Variants in NLRX1 observed in about 807,000 individuals in gnomAD.
NLRX1 encodes NLR family member X1.
Under a neutral mutation model 74.2 loss-of-function variants are expected in NLRX1, and 67 were observed. The ratio of observed to expected loss-of-function variants is 0.90; its 90% confidence interval spans 0.74 to 1.11. NLRX1 has a LOEUF of 1.11. NLRX1 is among the 50% of genes least tolerant of loss of function. NLRX1 has a pLI of 0.00. For missense variants in NLRX1, 1,191 were observed against 1,305.4 expected (o/e 0.91, Z 1.35); for synonymous variants, 506 against 559.1 (o/e 0.91, Z 1.34).
Position 119,183,533 on chromosome 11 carries a change from T to G in NLRX1, c.*94T>G, listed in dbSNP as rs1242151046. 8.0e-7 allele frequency: 1 copy of G among 1,249,982 alleles called. No homozygotes were observed. Among genetic ancestry groups the G allele is most frequent in the Non-Finnish European group, 1.1e-6 (1 of 890,886 alleles). The allele number at this position is 1,249,982 out of a possible 1,614,324, so 77.4% of individuals were successfully genotyped here. On this transcript the variant is annotated 3_prime_UTR_variant, in exon 10 of 10. Coordinates refer to ENST00000409109, the MANE Select transcript of NLRX1 (RefSeq NM_001282144.2). The surrounding 1 kb of genome is among the most constrained non-coding windows in gnomAD (Gnocchi z 5.7). The stretch of plus-strand genomic sequence containing the variant: ...CTTGCACTGCTCCCTCTAGAAAGAT[T>G]CCTTCAGGTCTGGAGGCAGAGGAAT...
At position 119,183,464 on chromosome 11, in the gene NLRX1, A is replaced by C; in HGVS notation, c.*25A>C. 6.3e-7 allele frequency: 1 copy of C among 1,595,642 alleles called. No homozygotes were observed. Among genetic ancestry groups the C allele is most frequent in the Non-Finnish European group, 8.5e-7 (1 of 1,173,344 alleles). Reference sequence around the variant, plus strand: ...AGACACTGGCGGCAGGCACCTAGCTATGTGACCACTGGCCCTAAACCTTTT... The same window carrying C: ...AGACACTGGCGGCAGGCACCTAGCTCTGTGACCACTGGCCCTAAACCTTTT... On this transcript the variant is annotated 3_prime_UTR_variant, in exon 10 of 10. Coordinates refer to ENST00000409109, the MANE Select transcript of NLRX1 (RefSeq NM_001282144.2). The surrounding 1 kb of genome is among the most constrained non-coding windows in gnomAD (Gnocchi z 5.7).
chr11:119,173,394 C>T lies in NLRX1; in HGVS notation c.230-85C>T. 7.0e-7 allele frequency: 1 copy of T among 1,433,610 alleles called. No individual in the cohort carries two copies. The highest frequency in any genetic ancestry group is 9.5e-7 in the Non-Finnish European group (1 of 1,050,936). 88.8% of individuals were successfully genotyped at this position (1,433,610 alleles called of 1,614,324 possible). A position where few individuals can be genotyped will look rare whatever the true frequency, so the allele number is the denominator to read the frequency against. On this transcript the variant is annotated intron_variant, in intron 4 of 9. Transcript: ENST00000409109. The surrounding 1 kb of genome is among the most constrained non-coding windows in gnomAD (Gnocchi z 4.0). Reference sequence around the variant, plus strand: ...CAGCATCTATGCCGTGATGTCCCAGCCTGACCTCACCACCGCCCTGATTGG... The same window carrying T: ...CAGCATCTATGCCGTGATGTCCCAGTCTGACCTCACCACCGCCCTGATTGG...
Position 119,173,288 on chromosome 11 carries a change from A to C in NLRX1, c.230-191A>C, listed in dbSNP as rs778123384. ...AAACCAGTTTGTCCAGTGGCTTCCCACTTTCTGACATAGGGGTTCCAGACT... is the reference window on the plus strand; with the variant it reads ...AAACCAGTTTGTCCAGTGGCTTCCCCCTTTCTGACATAGGGGTTCCAGACT... On this transcript the variant is annotated intron_variant, in intron 4 of 9. Coordinates refer to ENST00000409109, the MANE Select transcript of NLRX1 (RefSeq NM_001282144.2). This position sits in a 1 kb window ranked among gnomAD's most constrained non-coding sequence, Gnocchi z 4.0. The C allele has an allele frequency of 2.8e-6, 2 of 717,106 alleles. No individual in the cohort carries two copies. 44.4% of individuals were successfully genotyped at this position (717,106 alleles called of 1,614,324 possible).
At position 119,180,236 on chromosome 11, in the gene NLRX1, C is replaced by A. The variant is rs45562142; in HGVS notation, c.2215C>A (p.Pro739Thr). ...GAACTTGGCCTCCTGCCAGCTAGAT[C>A]CTGCTGGGCTGCGCACACTCCTGCC... ...EVNLASCQLD[P>T]AGLRTLLPVF... is the part of the protein sequence containing the mutation. Residue 739 changes from proline to threonine, a missense_variant, in exon 7 of 10, where the codon CCT (proline) becomes ACT (threonine). Coordinates refer to ENST00000409109, the MANE Select transcript of NLRX1 (RefSeq NM_001282144.2). 1 of 1,609,166 alleles carries A rather than the reference C, an allele frequency of 6.2e-7. No individual in the cohort carries two copies. Among genetic ancestry groups the A allele is most frequent in the South Asian group, 1.1e-5 (1 of 90,758 alleles).
At position 119,174,669 on chromosome 11, in the gene NLRX1, C is replaced by T. The variant is rs142087333; in HGVS notation, c.1066C>T (p.Arg356Trp). 4.3e-4 allele frequency: 699 copies of T among 1,613,984 alleles called. No individual in the cohort carries two copies. Among genetic ancestry groups the T allele is most frequent in the Middle Eastern group, 9.9e-4 (6 of 6,062 alleles). The change falls in exon 6 of 10, where the codon CGG becomes TGG. Residue 356 changes from arginine to tryptophan, a missense_variant. By Grantham distance (101) the Arg-to-Trp change is moderately radical. Transcript: ENST00000409109. ...QRDHLVQMLS[R>W]NLEGHHQIAA... Reference sequence around the variant, plus strand: ...TGACCACCTGGTGCAGATGCTCTCCCGGAACCTGGAGGGGCACCACCAGAT... The same window carrying T: ...TGACCACCTGGTGCAGATGCTCTCCTGGAACCTGGAGGGGCACCACCAGAT...
chr11:119,179,907 G>T lies in NLRX1; in HGVS notation c.1886G>T (p.Gly629Val). Reference sequence around the variant, plus strand: ...GAGCTCTTCCCCATGTTCATGGGGGGGCTTCTCTCTGCCCACAACCGAGCT... The same window carrying T: ...GAGCTCTTCCCCATGTTCATGGGGGTGCTTCTCTCTGCCCACAACCGAGCT... ...VFELFPMFMGGLLSAHNRAVL... is the reference protein window; with the variant it reads ...VFELFPMFMGVLLSAHNRAVL... Residue 629 changes from glycine (G) to valine (V), a missense_variant, in exon 7 of 10, where the codon GGG (glycine) becomes GTG (valine). Gly to Val is a moderately radical substitution (Grantham distance 109, BLOSUM62 -3). Transcript: ENST00000409109. 2 of 1,611,784 alleles carry T rather than the reference G, an allele frequency of 1.2e-6. No individual in the cohort carries two copies. Among genetic ancestry groups the T allele is most frequent in the Non-Finnish European group, 1.7e-6 (2 of 1,178,328 alleles).
At position 119,183,738 on chromosome 11, in the gene NLRX1, A is replaced by C. The variant is rs759702812; in HGVS notation, c.*299A>C. 2.4e-5 allele frequency: 19 copies of C among 777,438 alleles called. No individual in the cohort carries two copies. The highest frequency in any genetic ancestry group is 1.5e-4 in the African/African-American group (9 of 59,116). The allele number at this position is 777,438 out of a possible 1,614,324, so 48.2% of individuals were successfully genotyped here. A position where few individuals can be genotyped will look rare whatever the true frequency, so the allele number is the denominator to read the frequency against. On this transcript the variant is annotated 3_prime_UTR_variant, in exon 10 of 10. Coordinates refer to ENST00000409109, the MANE Select transcript of NLRX1 (RefSeq NM_001282144.2). This position sits in a 1 kb window ranked among gnomAD's most constrained non-coding sequence, Gnocchi z 5.7. ...GATGGCCAGAGTGCCCTGAAGCACCACTACCAACCTTGCCTCCCCCTCCTC... is the reference window on the plus strand; with the variant it reads ...GATGGCCAGAGTGCCCTGAAGCACCCCTACCAACCTTGCCTCCCCCTCCTC...
At position 119,173,465 on chromosome 11, in the gene NLRX1, A is replaced by G; in HGVS notation, c.230-14A>G. On this transcript the variant is annotated splice_polypyrimidine_tract_variant and intron_variant, in intron 4 of 9. Transcript: ENST00000409109. This position sits in a 1 kb window ranked among gnomAD's most constrained non-coding sequence, Gnocchi z 4.0. ...CCCCTTTCCCTGACACATTTCCCTT[A>G]TCTTCCCACTCAGAAGCTATACAGC... is the stretch of plus-strand genomic sequence containing the variant. 1 of 1,607,658 alleles carries G rather than the reference A, an allele frequency of 6.2e-7. No homozygotes were observed. Among genetic ancestry groups the G allele is most frequent in the Non-Finnish European group, 8.5e-7 (1 of 1,177,186 alleles).
Position 119,173,388 on chromosome 11 carries a change from T to G in NLRX1, c.230-91T>G, listed in dbSNP as rs199476040. The G allele has an allele frequency of 7.2e-7, 1 of 1,390,774 alleles. No individual in the cohort carries two copies. The allele number at this position is 1,390,774 out of a possible 1,614,324, so 86.2% of individuals were successfully genotyped here. On this transcript the variant is annotated intron_variant, in intron 4 of 9. Coordinates refer to ENST00000409109, the MANE Select transcript of NLRX1 (RefSeq NM_001282144.2). The surrounding 1 kb of genome is among the most constrained non-coding windows in gnomAD (Gnocchi z 4.0). The stretch of plus-strand genomic sequence containing the variant: ...GGGCCCCAGCATCTATGCCGTGATG[T>G]CCCAGCCTGACCTCACCACCGCCCT...
chr11:119,175,080 A>G lies in NLRX1; in HGVS notation c.1477A>G (p.Thr493Ala), dbSNP rs1948669797. Residue 493 changes from threonine (T) to alanine (A), a missense_variant, in exon 6 of 10, where the codon ACC becomes GCC. Transcript: ENST00000409109. ...EPGRAGTFVF[T>A]VPAMQEYLAA... ...AGGGCGTGCAGGCACCTTCGTGTTC[A>G]CCGTGCCCGCCATGCAGGAATACCT... 1 of 1,614,072 alleles carries G rather than the reference A, an allele frequency of 6.2e-7. No individual in the cohort carries two copies. The highest frequency in any genetic ancestry group is 2.2e-5 in the East Asian group (1 of 44,876).
In NLRX1 at chr11:119,173,610, G is replaced by C. The variant is rs751633357; in HGVS notation, c.361G>C (p.Asp121His). ...CCCTGTGATCCGCGAGAGTACCCCT[G>C]ATGAGCTACTTCGCCCACCCGCGGA... Reference protein sequence around the residue: ...VDPVIRESTPDELLRPPAELA... With the variant: ...VDPVIRESTPHELLRPPAELA... Residue 121 changes from aspartate (D) to histidine (H), a missense_variant, in exon 5 of 10, where the codon GAT (aspartate) becomes CAT (histidine). Physicochemically the swap from Asp to His is moderately conservative, Grantham distance 81. Transcript: ENST00000409109. This position sits in a 1 kb window ranked among gnomAD's most constrained non-coding sequence, Gnocchi z 4.0. The C allele has an allele frequency of 4.3e-6, 7 of 1,614,148 alleles. 1 individual carries two copies. Among genetic ancestry groups the C allele is most frequent in the South Asian group, 3.3e-5 (3 of 91,082 alleles).
chr11:119,169,774 G>A (rs1948495829), intron 1 of NLRX1, among the ~76,000 whole-genome samples: 1 of 152,132 alleles, frequency 6.6e-6, no homozygotes, highest in South Asian at 2.1e-4. Context: ...CGGATCACTT[G>A]AGCCCAGGAG....
At chr11:119,171,497 G>A in intron 2 of NLRX1, 24 bp downstream of exon 2, 2 of 1,565,988 alleles carry the variant, frequency 1.3e-6, no homozygotes, top group Non-Finnish European at 1.8e-6. Context: ...AGGGGTTTCT[G>A]TTTTTACCTC....
rs777257587 is a variant in NLRX1 at position 119,174,728 on chromosome 11, G to A, written c.1125G>A (p.Trp375Ter). 7.4e-6 allele frequency: 12 copies of A among 1,613,880 alleles called. No homozygotes were observed. The South Asian group carries it at 1.2e-4, about 16-fold the overall frequency. ...AAACFLPSYC[W>*]LVCATLHFLH... The stretch of plus-strand genomic sequence containing the variant: ...CCTGCTTCCTGCCGTCCTATTGCTG[G>A]CTCGTTTGTGCCACCTTGCACTTCC... The change falls in exon 6 of 10, where the codon TGG becomes TGA. Residue 375 changes from tryptophan (W) to a stop codon, truncating the protein, a stop_gained. Coordinates refer to ENST00000409109, the MANE Select transcript of NLRX1 (RefSeq NM_001282144.2). LOFTEE classifies it high-confidence loss of function.
At chr11:119,178,584 C>T (rs557739358) in intron 6 of NLRX1, among the ~76,000 whole-genome samples, 4 of 151,832 alleles carry the variant, frequency 2.6e-5, no homozygotes, top group Non-Finnish European at 2.9e-5. Flanking sequence ...AACTGGTCTG[C>T]GGGGTCAGGA....
In NLRX1 at chr11:119,174,764, C is replaced by T; in HGVS notation, c.1161C>T (p.Pro387=). ...CCACCTTGCACTTCCTGCATGCCCC[C>T]ACGCCTGCTGGGCAGACCCTTACAA... ...VCATLHFLHA[P]TPAGQTLTSI... is the part of the protein sequence containing the mutation. The change falls in exon 6 of 10, where the codon CCC becomes CCT. Residue 387 remains proline (P), a synonymous_variant. Transcript: ENST00000409109. 3 of 1,613,862 alleles carry T rather than the reference C, an allele frequency of 1.9e-6. No homozygotes were observed. Among genetic ancestry groups the T allele is most frequent in the Non-Finnish European group, 1.7e-6 (2 of 1,180,046 alleles).
Position 119,181,249 on chromosome 11 carries a change from C to T in NLRX1, c.2346C>T (p.Thr782=), listed in dbSNP as rs1475364924. Residue 782 remains threonine, a synonymous_variant, in exon 8 of 10, where the codon ACC becomes ACT. Coordinates refer to ENST00000409109, the MANE Select transcript of NLRX1 (RefSeq NM_001282144.2). ...TGCTGCATGACCAGTGCCAAATTACCACACTGCGGTGAGTGACCTGGGAGT... is the reference window on the plus strand; with the variant it reads ...TGCTGCATGACCAGTGCCAAATTACTACACTGCGGTGAGTGACCTGGGAGT... ...DLLLHDQCQI[T]TLRLSNNPLT... is the part of the protein sequence containing the mutation. 1.2e-6 allele frequency: 2 copies of T among 1,613,280 alleles called. No individual in the cohort carries two copies. Among genetic ancestry groups the T allele is most frequent in the African/African-American group, 1.3e-5 (1 of 74,850 alleles).
chr11:119,172,007 T>C (rs1283846754), intron 2 of NLRX1, among the ~76,000 whole-genome samples: 1 of 152,002 alleles, frequency 6.6e-6, no homozygotes, highest in African/African-American at 2.4e-5. Flanking sequence ...CTCTTGTAGC[T>C]ACATAAGTCT....
At chr11:119,171,315 G>A in intron 1 of NLRX1, 41 bp from the exon 2 acceptor site, 1 of 1,424,088 alleles carries the variant, frequency 7.0e-7, no homozygotes, top group Non-Finnish European at 9.7e-7. Flanking sequence ...GTGCAGGGGA[G>A]GAGTGGTGGC....
Sources: gnomAD v4.1 joint callset for allele counts (sites outside exome capture counted in the v4.1 genomes callset) on GRCh38, gnomAD v4.1.1 for gene constraint, Gnocchi (gnomAD v3.1) non-coding constraint, MANE v1.5 for transcripts, NCBI Gene and HGNC (gene_info 2026-07-23, HGNC 2026-07-21) for gene names.